PDE7B: variants seen among roughly 807,000 people sequenced by gnomAD.
The protein encoded by PDE7B is 3',5'-cyclic-AMP phosphodiesterase 7B.
Under a neutral mutation model 56.2 loss-of-function variants are expected in PDE7B, and 29 were observed. The observed-to-expected ratio is 0.52, with a 90% CI of 0.38 to 0.70. PDE7B has a LOEUF of 0.70. PDE7B is among the 30% of genes least tolerant of loss of function. The pLI, the probability that PDE7B is intolerant of heterozygous loss-of-function variation, is 0.00. For synonymous variants in PDE7B, 197 were observed against 196.9 expected, an observed-to-expected ratio of 1.00 and a Z score of 0.00; for missense variants, 490 against 565.0, an observed-to-expected ratio of 0.87 and a Z score of 1.35.
chr6:136,185,951 T>A (rs974440361), intron 11 of PDE7B, among the ~76,000 whole-genome samples: 1 of 152,138 alleles, frequency 6.6e-6, no homozygotes, highest in Admixed American at 6.5e-5. Context: ...CAATTTGTTA[T>A]GCTCAGGAAG....
intron 2 of PDE7B, among the ~76,000 whole-genome samples, chr6:135,952,004 G>GA (rs1256958675): frequency 6.6e-6 from 1 of 152,114 alleles, no homozygotes; most frequent in African/African-American, 2.4e-5. Flanking sequence ...CACTAGCTCT[G>GA]AAAAAATTAA....
At chr6:136,145,474 A>G (rs1200126257) in intron 3 of PDE7B, among the ~76,000 whole-genome samples, 1 of 152,112 alleles carries the variant, frequency 6.6e-6, no homozygotes, top group Non-Finnish European at 1.5e-5. Context: ...CCTATTAGCA[A>G]AAAGTCATAT....
chr6:135,996,823 G>A (rs1406938856), intron 2 of PDE7B, among the ~76,000 whole-genome samples: 1 of 152,176 alleles, frequency 6.6e-6, no homozygotes, highest in Non-Finnish European at 1.5e-5. Context: ...ATCCAGGGTA[G>A]ATAACAGCAA....
chr6:136,124,555 G>C (rs985522664), intron 3 of PDE7B, among the ~76,000 whole-genome samples: 6 of 152,202 alleles, frequency 3.9e-5, no homozygotes, highest in Admixed American at 3.9e-4. Context: ...TCCATATGGA[G>C]AGTAATGCTG....
chr6:135,916,127 G>A (rs1287673065), intron 1 of PDE7B, among the ~76,000 whole-genome samples: 10 of 152,162 alleles, frequency 6.6e-5, no homozygotes, highest in Admixed American at 6.5e-4. Context: ...AGGTCACCAA[G>A]CTGTTTTTCC....
chr6:136,136,676 C>T (rs981695130), intron 3 of PDE7B, among the ~76,000 whole-genome samples: 1 of 150,914 alleles, frequency 6.6e-6, no homozygotes, highest in Admixed American at 6.6e-5. Flanking sequence ...CTCATGTACC[C>T]CATAAATATG....
intron 2 of PDE7B, chr6:136,038,387 G>T (rs1415348779): frequency 7.7e-7 from 1 of 1,291,462 alleles, no homozygotes; most frequent in Non-Finnish European, 1.0e-6. Flanking sequence ...AAGCCGGCCG[G>T]GGTGCCAGCA....
At chr6:136,115,192 A>G (rs1319443047) in intron 3 of PDE7B, among the ~76,000 whole-genome samples, 1 of 152,184 alleles carries the variant, frequency 6.6e-6, no homozygotes, top group Non-Finnish European at 1.5e-5. Flanking sequence ...TGATACACCA[A>G]ATAATACATG....
At chr6:135,932,165 A>T (rs1186319204) in intron 1 of PDE7B, among the ~76,000 whole-genome samples, 3 of 152,202 alleles carry the variant, frequency 2.0e-5, no homozygotes, top group African/African-American at 7.2e-5. Context: ...CTCAAAAACA[A>T]TCAGGAAAGT....
At chr6:135,973,779 T>G (rs542574674) in intron 2 of PDE7B, among the ~76,000 whole-genome samples, 1 of 152,370 alleles carries the variant, frequency 6.6e-6, no homozygotes, top group South Asian at 2.1e-4. Flanking sequence ...TTTTAGAGTT[T>G]AATCTATTTC....
intron 2 of PDE7B, among the ~76,000 whole-genome samples, chr6:136,054,532 A>G (rs1776694218): frequency 1.3e-5 from 2 of 152,224 alleles, no homozygotes; most frequent in Non-Finnish European, 2.9e-5. Context: ...TGACTTGGCA[A>G]TGCGAGCCCT....
intron 2 of PDE7B, among the ~76,000 whole-genome samples, chr6:136,001,655 G>A (rs1310294136): frequency 1.3e-5 from 2 of 152,060 alleles, no homozygotes; most frequent in Non-Finnish European, 2.9e-5. Context: ...AGAGAAAAAA[G>A]AATAAAAAGA....
chr6:135,961,828 G>C (rs768048913), intron 2 of PDE7B, among the ~76,000 whole-genome samples: 1 of 152,022 alleles, frequency 6.6e-6, no homozygotes, highest in Non-Finnish European at 1.5e-5. Flanking sequence ...CAGATCTAAA[G>C]TTATAATATG....
At chr6:136,000,219 A>G (rs1443958409) in intron 2 of PDE7B, among the ~76,000 whole-genome samples, 2 of 152,190 alleles carry the variant, frequency 1.3e-5, no homozygotes, top group Non-Finnish European at 2.9e-5. Flanking sequence ...ATCTGTTGAT[A>G]GCTTCTTTTG....
chr6:136,194,628 C>A lies in PDE7B; in HGVS notation c.*2788C>A, dbSNP rs1016545282. ...AAAACACTGGCGGGGTGCGGTGGCT[C>A]ACGCCTGTAATCCTAGCACTTTGGG... On this transcript the variant is annotated 3_prime_UTR_variant, in exon 13 of 13. Transcript: ENST00000308191. The A allele has an allele frequency of 1.3e-5, 2 of 152,182 alleles. No individual in the cohort carries two copies. Among genetic ancestry groups the A allele is most frequent in the African/African-American group, 2.4e-5 (1 of 41,438 alleles). The allele number at this position is 152,182 out of a possible 1,614,324, so 9.4% of individuals were successfully genotyped here. A position where few individuals can be genotyped will look rare whatever the true frequency, so the allele number is the denominator to read the frequency against.
At position 136,097,071 on chromosome 6, in the gene PDE7B, C is replaced by T. The variant is rs77514891; in HGVS notation, c.83-11660C>T. ...CCCACTTCTCCTTTACAGACTCCTC[C>T]TCCTCCAACAAGTGATTAAATGTTA... On this transcript the variant is annotated intron_variant, in intron 2 of 12. Transcript: ENST00000308191. Among the ~76,000 whole-genome samples, 18 of 151,776 alleles carry T rather than the reference C, an allele frequency of 1.2e-4. No individual in the cohort carries two copies. The East Asian group carries it at 3.5e-3, about 29-fold the overall frequency.
chr6:136,132,463 C>T (rs1778134579), intron 3 of PDE7B, among the ~76,000 whole-genome samples: 1 of 152,168 alleles, frequency 6.6e-6, no homozygotes, highest in African/African-American at 2.4e-5. Flanking sequence ...CATCCCTGCT[C>T]TGTTACTTAT....
rs566384533 is a variant in PDE7B, at chr6:136,038,229, A to G, written c.83-70502A>G. On this transcript the variant is annotated intron_variant, in intron 2 of 12. Coordinates refer to ENST00000308191, the MANE Select transcript of PDE7B (RefSeq NM_018945.4). ...AGAAGCAGAAACAGCAGCAGCAGCA[A>G]CAGCAGCAGCAGCAGCAGCACCACC... is the stretch of plus-strand genomic sequence containing the variant. 8 of 1,293,974 alleles carry G rather than the reference A, an allele frequency of 6.2e-6. No homozygotes were observed. The East Asian group carries it at 1.6e-4, about 27-fold the overall frequency. The allele number at this position is 1,293,974 out of a possible 1,614,324, so 80.2% of individuals were successfully genotyped here.
Position 136,147,339 on chromosome 6 carries a change from G to T in PDE7B, c.167-12G>T. 1 of 1,587,284 alleles carries T rather than the reference G, an allele frequency of 6.3e-7. No homozygotes were observed. The highest frequency in any genetic ancestry group is 1.1e-5 in the South Asian group (1 of 88,112). On this transcript the variant is annotated splice_polypyrimidine_tract_variant and intron_variant, in intron 3 of 12. Coordinates refer to ENST00000308191, the MANE Select transcript of PDE7B (RefSeq NM_018945.4). ...AAATATATAAATTTCTTGACTTGAT[G>T]ACTTTCCACAGGTACAACATACTCA...
Sources: allele counts gnomAD v4.1 joint callset (sites outside exome capture counted in the v4.1 genomes callset), GRCh38; gene constraint gnomAD v4.1.1; transcripts MANE v1.5; gene names NCBI Gene and HGNC (gene_info 2026-07-23, HGNC 2026-07-21).